C4orf51: variants seen among roughly 807,000 people sequenced by gnomAD.
C4orf51 encodes the protein uncharacterized protein C4orf51.
In C4orf51, 25 loss-of-function variants were observed where a neutral mutation model predicts 25.2. That is an observed-to-expected ratio of 0.99 (90% CI 0.72 to 1.39). C4orf51 has a LOEUF of 1.39. Ranked by LOEUF, C4orf51 falls within the 40% of genes most tolerant of loss-of-function variation. C4orf51 has a pLI of 0.00. For synonymous variants in C4orf51, 100 were observed against 84.5 expected (o/e 1.18, Z -1.01); for missense variants, 252 against 239.6 (o/e 1.05, Z -0.34).
At chr4:145,727,331 T>A (rs1257247398) in intron 3 of C4orf51, among the ~76,000 whole-genome samples, 1 of 152,170 alleles carries the variant, frequency 6.6e-6, no homozygotes, top group Non-Finnish European at 1.5e-5. Context: ...ATCTGAAATC[T>A]TCCCCCAGGG....
chr4:145,742,562 C>T (rs1375677469), intron 1 of C4orf51, among the ~76,000 whole-genome samples: 1 of 109,150 alleles, frequency 9.2e-6, no homozygotes, highest in Non-Finnish European at 1.7e-5. Flanking sequence ...TTTTTTGAGA[C>T]AGAGTCTTGC....
chr4:145,739,491 A>C (rs6810676), intron 1 of C4orf51, among the ~76,000 whole-genome samples: 76,917 of 152,030 alleles, frequency 0.51, 20,510 homozygotes, highest in Non-Finnish European at 0.61. Context: ...GCATCTCTGA[A>C]CAAATGAAGG....
intron 3 of C4orf51, among the ~76,000 whole-genome samples, chr4:145,728,293 A>G (rs898252962): frequency 1.3e-5 from 2 of 151,828 alleles, no homozygotes; most frequent in African/African-American, 2.4e-5. Context: ...CTGTTTTCCT[A>G]TATCCTCTCT....
At chr4:145,740,403 T>A (rs547599689) in intron 1 of C4orf51, among the ~76,000 whole-genome samples, 46 of 152,342 alleles carry the variant, frequency 3.0e-4, no homozygotes, top group Middle Eastern at 3.4e-3. Flanking sequence ...TTGTGGCTCC[T>A]AACTCATCGG....
At chr4:145,697,081 C>G (rs997429251) in intron 2 of C4orf51, among the ~76,000 whole-genome samples, 7 of 148,610 alleles carry the variant, frequency 4.7e-5, no homozygotes, top group Admixed American at 1.4e-4. Flanking sequence ...CAAACAAAAA[C>G]AGACCTACTC....
chr4:145,761,464 G>A lies in C4orf51; in HGVS notation n.167-9524G>A, dbSNP rs958451744. The stretch of plus-strand genomic sequence containing the variant: ...GTGGTTGCCCAGGCGGTGCTCCCGG[G>A]TGTGCGTCTCCAGCTCCAGCTGGTT... On this transcript the variant is annotated intron_variant and non_coding_transcript_variant, in intron 1 of 1. Transcript: ENST00000510096. This position sits in a 1 kb window ranked among gnomAD's most constrained non-coding sequence, Gnocchi z 6.8. 2 of 1,289,722 alleles carry A rather than the reference G, an allele frequency of 1.6e-6. No homozygotes were observed. Among genetic ancestry groups the A allele is most frequent in the Non-Finnish European group, 2.0e-6 (2 of 988,874 alleles). 79.9% of individuals were successfully genotyped at this position (1,289,722 alleles called of 1,614,324 possible).
intron 5 of C4orf51, among the ~76,000 whole-genome samples, chr4:145,731,931 A>G (rs1026411301): frequency 1.3e-5 from 2 of 152,198 alleles, no homozygotes; most frequent in African/African-American, 4.8e-5. Context: ...TTGGAGGAGA[A>G]CAAGCACTGA....
chr4:145,685,134 A>G (rs1729065184), intron 1 of C4orf51, among the ~76,000 whole-genome samples: 1 of 152,186 alleles, frequency 6.6e-6, no homozygotes, highest in South Asian at 2.1e-4. Context: ...TATCAACCAC[A>G]GAATATACAT....
At chr4:145,791,706 C>T in the C4orf51 span, among the ~76,000 whole-genome samples, 6 of 152,066 alleles carry the variant, frequency 3.9e-5, no homozygotes, top group African/African-American at 1.4e-4. Flanking sequence ...ATACGAATAG[C>T]TAAGATTTAT....
rs1006984807 is a variant in C4orf51 at position 145,761,851 on chromosome 4, C to A, written n.167-9137C>A. Among the ~76,000 whole-genome samples, 1 of 152,216 alleles carries A rather than the reference C, an allele frequency of 6.6e-6. No homozygotes were observed. Among genetic ancestry groups the A allele is most frequent in the African/African-American group, 2.4e-5 (1 of 41,460 alleles). ...CCTATTCTGGGTCTCTTGGCCGATACAGGCAAGGCCAGCCCTCACCAAGGG... is the reference window on the plus strand; with the variant it reads ...CCTATTCTGGGTCTCTTGGCCGATAAAGGCAAGGCCAGCCCTCACCAAGGG... On this transcript the variant is annotated intron_variant and non_coding_transcript_variant, in intron 1 of 1. Transcript: ENST00000510096. This position sits in a 1 kb window ranked among gnomAD's most constrained non-coding sequence, Gnocchi z 6.8.
chr4:145,691,590 C>T (rs1013674154), intron 1 of C4orf51, among the ~76,000 whole-genome samples: 5 of 152,200 alleles, frequency 3.3e-5, no homozygotes, highest in African/African-American at 1.2e-4. Flanking sequence ...GGCATGTATA[C>T]ACCATGGAAT....
intron 2 of C4orf51, among the ~76,000 whole-genome samples, chr4:145,718,818 C>T (rs538185790): frequency 1.3e-5 from 2 of 152,308 alleles, no homozygotes; most frequent in South Asian, 2.1e-4. Context: ...TAAGCTATTT[C>T]CCACCTCAGG....
At chr4:145,702,354 A>G (rs1730503703) in intron 2 of C4orf51, among the ~76,000 whole-genome samples, 1 of 151,666 alleles carries the variant, frequency 6.6e-6, no homozygotes, top group Non-Finnish European at 1.5e-5. Context: ...TGCTTTCTTT[A>G]CTATTCCTTT....
chr4:145,754,714 C>T (rs1172775994), downstream of C4orf51, among the ~76,000 whole-genome samples: 3 of 152,198 alleles, frequency 2.0e-5, no homozygotes, highest in African/African-American at 7.2e-5. Context: ...GCAGGAGTAT[C>T]ACTTGAGGTC....
At chr4:145,720,159 G>T (rs1285927711) in intron 2 of C4orf51, among the ~76,000 whole-genome samples, 1 of 152,070 alleles carries the variant, frequency 6.6e-6, no homozygotes, top group Non-Finnish European at 1.5e-5. Context: ...TGGGTCTTCT[G>T]GTCTGTCTAA....
intron 2 of C4orf51, among the ~76,000 whole-genome samples, chr4:145,703,878 T>TGGCTCTC (rs1170846577): frequency 6.6e-6 from 1 of 152,270 alleles, no homozygotes; most frequent in Non-Finnish European, 1.5e-5. Flanking sequence ...CATAGGCTCT[T>TGGCTCTC]GGCTCTCTAA....
At chr4:145,744,686 T>G (rs939151033) in intron 1 of C4orf51, among the ~76,000 whole-genome samples, 3 of 151,978 alleles carry the variant, frequency 2.0e-5, no homozygotes, top group Admixed American at 2.0e-4. Flanking sequence ...AAAAAAAAAT[T>G]AGTAATTCTA....
intron 5 of C4orf51, among the ~76,000 whole-genome samples, chr4:145,731,232 A>G (rs1036043765): frequency 6.6e-6 from 1 of 152,136 alleles, no homozygotes; most frequent in Admixed American, 6.5e-5. Flanking sequence ...GCCTACATGG[A>G]GTTGTACTGG....
chr4:145,736,940 C>T (rs138056968), downstream of C4orf51, among the ~76,000 whole-genome samples: 1,229 of 152,232 alleles, frequency 8.1e-3, 13 homozygotes, highest in African/African-American at 0.028. Context: ...CCTGCCACAC[C>T]CTGGCGGCGA....
Sources: allele counts gnomAD v4.1 joint callset (sites outside exome capture counted in the v4.1 genomes callset), GRCh38; gene constraint gnomAD v4.1.1; non-coding constraint Gnocchi (gnomAD v3.1); transcripts MANE v1.5; gene names NCBI Gene and HGNC (gene_info 2026-07-23, HGNC 2026-07-21).